Variants in SAMMSON observed in about 807,000 individuals in gnomAD.
SAMMSON encodes the protein survival associated mitochondrial melanoma specific oncogenic non-coding RNA.
rs367690993 is a variant in SAMMSON at position 70,149,018 on chromosome 3, G to A, written n.507+77453G>A. On this transcript the variant is annotated intron_variant and non_coding_transcript_variant, in intron 4 of 9. Coordinates refer to ENST00000642114, the Ensembl canonical transcript of SAMMSON. ...TTGGCTAAGTTGTGCAGCACATTGCGTCGCTCACAAAGAACAAGTTCCATC... is the reference window on the plus strand; with the variant it reads ...TTGGCTAAGTTGTGCAGCACATTGCATCGCTCACAAAGAACAAGTTCCATC... Among the ~76,000 whole-genome samples, 42 of 152,140 alleles carry A rather than the reference G, an allele frequency of 2.8e-4. No individual in the cohort carries two copies. The East Asian group carries it at 5.4e-3, about 20-fold the overall frequency.
chr3:70,343,594 G>A (rs190139618), intron 7 of SAMMSON, among the ~76,000 whole-genome samples: 45 of 152,268 alleles, frequency 3.0e-4, no homozygotes, highest in Admixed American at 7.2e-4. Context: ...TATACTTGTA[G>A]TATGGCTTTT....
At chr3:70,273,134 A>G (rs1701990036) in intron 6 of SAMMSON, among the ~76,000 whole-genome samples, 1 of 152,186 alleles carries the variant, frequency 6.6e-6, no homozygotes, top group Non-Finnish European at 1.5e-5. Context: ...ATACAATCCT[A>G]AAAGGACTGA....
chr3:70,297,228 T>A (rs1702299874), intron 7 of SAMMSON, among the ~76,000 whole-genome samples: 1 of 152,132 alleles, frequency 6.6e-6, no homozygotes, highest in South Asian at 2.1e-4. Flanking sequence ...CTCTTGGTAA[T>A]TAGTTATTGT....
At chr3:70,329,569 A>G (rs1014167282) in intron 7 of SAMMSON, among the ~76,000 whole-genome samples, 1 of 152,050 alleles carries the variant, frequency 6.6e-6, no homozygotes, top group African/African-American at 2.4e-5. Context: ...AATTCCACAC[A>G]GAAATTTTTC....
chr3:70,327,027 C>A (rs762276706), intron 7 of SAMMSON, among the ~76,000 whole-genome samples: 3 of 152,024 alleles, frequency 2.0e-5, no homozygotes, highest in Non-Finnish European at 2.9e-5. Flanking sequence ...CCTGGCTAAT[C>A]TTTGATTTTC....
chr3:70,403,367 A>T (rs1363540492), intron 2 of SAMMSON, among the ~76,000 whole-genome samples: 1 of 152,180 alleles, frequency 6.6e-6, no homozygotes, highest in Admixed American at 6.6e-5. Flanking sequence ...AAATGGATTA[A>T]CGTGAAAAGA....
At chr3:70,121,827 C>T (rs1227948907) in intron 4 of SAMMSON, among the ~76,000 whole-genome samples, 5 of 152,114 alleles carry the variant, frequency 3.3e-5, no homozygotes, top group African/African-American at 4.8e-5. Context: ...GAGTCAGCTA[C>T]GTAGCTTAAC....
chr3:70,387,989 TTTTG>T (rs1420514299), intron 9 of SAMMSON, among the ~76,000 whole-genome samples: 2 of 152,212 alleles, frequency 1.3e-5, no homozygotes, highest in Admixed American at 6.5e-5. Flanking sequence ...TTTGTTTTGG[TTTTG>T]TTTGTTTGTT....
At chr3:70,328,297 C>T (rs1257060436) in intron 7 of SAMMSON, among the ~76,000 whole-genome samples, 2 of 152,076 alleles carry the variant, frequency 1.3e-5, no homozygotes, top group Non-Finnish European at 2.9e-5. Flanking sequence ...ACCACGTACC[C>T]AAAGAAGCTA....
chr3:70,131,057 G>A (rs1189108514), intron 4 of SAMMSON, among the ~76,000 whole-genome samples: 1 of 152,094 alleles, frequency 6.6e-6, no homozygotes, highest in Non-Finnish European at 1.5e-5. Context: ...GGTTACCACT[G>A]GTATAAAATA....
intron 4 of SAMMSON, among the ~76,000 whole-genome samples, chr3:70,117,929 A>AT (rs924068895): frequency 6.6e-6 from 1 of 151,808 alleles, no homozygotes; most frequent in Admixed American, 6.6e-5. Context: ...TTATTTATTT[A>AT]TTTTTTGAGA....
At chr3:70,063,339 G>C (rs2067197518) in intron 3 of SAMMSON, among the ~76,000 whole-genome samples, 1 of 152,042 alleles carries the variant, frequency 6.6e-6, no homozygotes, top group Non-Finnish European at 1.5e-5. Flanking sequence ...TTTCCAGCCT[G>C]CTTTTCAAAT....
chr3:70,366,492 GTTT>G, intron 9 of SAMMSON, among the ~76,000 whole-genome samples: 4 of 100,750 alleles, frequency 4.0e-5, no homozygotes, highest in Non-Finnish European at 6.2e-5. Flanking sequence ...GTGTTTTTAT[GTTT>G]TTTTTTTTTT....
At chr3:70,008,760 A>G (rs1281351587) in intron 1 of SAMMSON, among the ~76,000 whole-genome samples, 1 of 152,134 alleles carries the variant, frequency 6.6e-6, no homozygotes, top group African/African-American at 2.4e-5. Flanking sequence ...ATTCAGTATG[A>G]TATTGGCTGT....
chr3:70,275,345 C>T (rs1702013621), intron 6 of SAMMSON, among the ~76,000 whole-genome samples: 1 of 151,826 alleles, frequency 6.6e-6, no homozygotes, highest in Non-Finnish European at 1.5e-5. Context: ...CTCGTCTCTA[C>T]AAAAAATAAA....
At chr3:70,295,873 T>A (rs148007942) in intron 7 of SAMMSON, among the ~76,000 whole-genome samples, 46 of 152,298 alleles carry the variant, frequency 3.0e-4, no homozygotes, top group African/African-American at 1.1e-3. Context: ...GAAATGTGCC[T>A]CCCACTTGAT....
rs536454618 is a variant in SAMMSON at position 70,009,495 on chromosome 3, A to G, written n.23-2862A>G. Among the ~76,000 whole-genome samples the G allele has an allele frequency of 3.3e-5, 5 of 152,154 alleles. No homozygotes were observed. The East Asian group carries it at 9.7e-4, about 29-fold the overall frequency. On this transcript the variant is annotated intron_variant and non_coding_transcript_variant, in intron 1 of 9. Coordinates refer to ENST00000642114, the Ensembl canonical transcript of SAMMSON. Reference sequence around the variant, plus strand: ...GATCGGTGGTGATATCCCCTTTATCATTTTTTATTGCGTCTATTTGATTCT... The same window carrying G: ...GATCGGTGGTGATATCCCCTTTATCGTTTTTTATTGCGTCTATTTGATTCT...
At chr3:70,058,012 A>G (rs967508928) in intron 3 of SAMMSON, among the ~76,000 whole-genome samples, 8 of 152,080 alleles carry the variant, frequency 5.3e-5, no homozygotes, top group African/African-American at 1.9e-4. Flanking sequence ...AAATATACCT[A>G]TTAACAAAAA....
At chr3:70,397,945 C>A (rs1488916977) in intron 2 of SAMMSON, among the ~76,000 whole-genome samples, 4 of 152,108 alleles carry the variant, frequency 2.6e-5, no homozygotes. Context: ...AACATCCTAG[C>A]AAATATTAAT....
Sources: allele counts gnomAD v4.1 joint callset (sites outside exome capture counted in the v4.1 genomes callset), GRCh38; gene constraint gnomAD v4.1.1; transcripts MANE v1.5; gene names NCBI Gene and HGNC (gene_info 2026-07-23, HGNC 2026-07-21).